Variants in TAF4B observed in about 807,000 individuals in gnomAD.
TAF4B encodes the protein transcription initiation factor TFIID subunit 4B.
TAF4B carries 38 observed loss-of-function variants against 86.4 expected under a neutral mutation model. The ratio of observed to expected loss-of-function variants is 0.44; its 90% CI spans 0.34 to 0.58. The LOEUF is 0.58. Among genes scored for constraint, TAF4B ranks in the 20% least tolerant of loss-of-function variants. TAF4B has a pLI of 0.02. For missense variants in TAF4B, 988 were observed against 1,027.6 expected, an observed-to-expected ratio of 0.96 and a Z score of 0.53; for synonymous variants, 388 against 391.2, an observed-to-expected ratio of 0.99 and a Z score of 0.10.
At chr18:26,329,434 C>T (rs1243911447) in intron 12 of TAF4B, among the ~76,000 whole-genome samples, 1 of 152,188 alleles carries the variant, frequency 6.6e-6, no homozygotes, top group Non-Finnish European at 1.5e-5. Flanking sequence ...TCATATGTAA[C>T]ACTATCATCT....
chr18:26,243,655 A>G (rs2055877257), intron 1 of TAF4B, among the ~76,000 whole-genome samples: 1 of 152,190 alleles, frequency 6.6e-6, no homozygotes, highest in Admixed American at 6.5e-5. Flanking sequence ...TTGGAGGAGA[A>G]AAGGCGCTCT....
chr18:26,337,298 C>G (rs1201086093), intron 13 of TAF4B, among the ~76,000 whole-genome samples: 1 of 152,086 alleles, frequency 6.6e-6, no homozygotes, highest in East Asian at 1.9e-4. Flanking sequence ...TTCTCCTGCC[C>G]CCTAGAGTTC....
At chr18:26,352,897 A>AT (rs967998457) in intron 13 of TAF4B, among the ~76,000 whole-genome samples, 33 of 152,176 alleles carry the variant, frequency 2.2e-4, no homozygotes, top group African/African-American at 6.3e-4. Context: ...TCTAATCTTT[A>AT]TTTTTTTAGT....
intron 1 of TAF4B, among the ~76,000 whole-genome samples, chr18:26,249,170 CAAAAAAAA>C (rs796850643): frequency 3.5e-5 from 4 of 112,908 alleles, no homozygotes; most frequent in Non-Finnish European, 7.6e-5. Flanking sequence ...GACTCCATAT[CAAAAAAAA>C]AAAAAAAAAG....
intron 9 of TAF4B, among the ~76,000 whole-genome samples, chr18:26,304,163 C>G (rs1406729224): frequency 3.4e-5 from 4 of 117,842 alleles, no homozygotes. Flanking sequence ...AATTATAGGT[C>G]GACTGTTTTT....
chr18:26,292,013 G>A (rs2056599768), intron 7 of TAF4B, among the ~76,000 whole-genome samples: 1 of 152,154 alleles, frequency 6.6e-6, no homozygotes, highest in Admixed American at 6.6e-5. Flanking sequence ...TTTAAATTGA[G>A]TATGGTGAAA....
intron 9 of TAF4B, among the ~76,000 whole-genome samples, chr18:26,309,251 T>A (rs1359507125): frequency 2.2e-3 from 8 of 3,610 alleles, no homozygotes; most frequent in East Asian, 0.029. Flanking sequence ...CAGTATTTTT[T>A]TTTTTTTTTT....
chr18:26,297,432 G>A (rs1258275822), intron 9 of TAF4B, among the ~76,000 whole-genome samples: 4 of 152,156 alleles, frequency 2.6e-5, no homozygotes, highest in Non-Finnish European at 5.9e-5. Flanking sequence ...CTGGTCTCAG[G>A]TTACAACAGG....
chr18:26,284,616 G>C (rs372856372), intron 6 of TAF4B, among the ~76,000 whole-genome samples: 3 of 152,314 alleles, frequency 2.0e-5, no homozygotes, highest in South Asian at 4.1e-4. Flanking sequence ...GGTGGCTCAC[G>C]CGTGTAATCC....
chr18:26,367,052 T>G (rs945962842), intron 14 of TAF4B, among the ~76,000 whole-genome samples: 3 of 152,214 alleles, frequency 2.0e-5, no homozygotes, highest in Admixed American at 6.5e-5. Flanking sequence ...AATGTGTGCT[T>G]TTAAGTACTC....
rs539334302 is a variant in TAF4B, at chr18:26,248,691, AT to A, written c.344-16464del. 5.8e-3 allele frequency among the ~76,000 whole-genome samples: 260 copies of A among 44,656 alleles called. 1 individual carries two copies. The highest frequency in any genetic ancestry group is 0.021 in the African/African-American group (229 of 11,030). 29.3% of individuals were successfully genotyped at this position (44,656 alleles called of 152,430 possible). ...AGGTGTGCCTCACTATGCCCAGCTA[AT>A]TTTTTTTTTTTTTTGGTACATTTGG... On this transcript the variant is annotated intron_variant, in intron 1 of 14. Transcript: ENST00000269142.
intron 9 of TAF4B, among the ~76,000 whole-genome samples, chr18:26,308,381 T>C (rs2056818095): frequency 6.6e-6 from 1 of 152,102 alleles, no homozygotes; most frequent in Non-Finnish European, 1.5e-5. Flanking sequence ...TTCAGGAAAA[T>C]TTATCTGTGT....
At position 26,390,181 on chromosome 18, in the gene TAF4B, T is replaced by G; in HGVS notation, c.*169T>G. 4 of 586,004 alleles carry G rather than the reference T, an allele frequency of 6.8e-6. No homozygotes were observed. The highest frequency in any genetic ancestry group is 1.1e-5 in the Non-Finnish European group (4 of 355,934). The allele number at this position is 586,004 out of a possible 1,614,324, so 36.3% of individuals were successfully genotyped here. ...CTTACCTATCCATCTCATGGGACTC[T>G]TACAGACTCAGATTCATCTTTGTCT... On this transcript the variant is annotated 3_prime_UTR_variant, in exon 15 of 15. Coordinates refer to ENST00000269142, the MANE Select transcript of TAF4B (RefSeq NM_005640.3).
chr18:26,264,430 TAATAAA>T (rs1464214433), intron 1 of TAF4B, among the ~76,000 whole-genome samples: 1 of 152,112 alleles, frequency 6.6e-6, no homozygotes, highest in Non-Finnish European at 1.5e-5. Flanking sequence ...GTCTCAAAAA[TAATAAA>T]AATAAAAGAG....
intron 13 of TAF4B, among the ~76,000 whole-genome samples, chr18:26,342,123 A>C (rs1385817724): frequency 6.6e-6 from 1 of 152,084 alleles, no homozygotes; most frequent in Admixed American, 6.6e-5. Context: ...CTTTATGTGT[A>C]CTTAACGTTA....
intron 1 of TAF4B, among the ~76,000 whole-genome samples, chr18:26,250,515 A>AT (rs2055991003): frequency 2.8e-5 from 3 of 107,626 alleles, no homozygotes; most frequent in Non-Finnish European, 5.7e-5. Flanking sequence ...AAAAAAAAAA[A>AT]TTTTTTTTTG....
In TAF4B at chr18:26,383,295, TAGGG is replaced by T. The variant is rs1408925125; in HGVS notation, c.2422-6546_2422-6543del. 3.3e-5 allele frequency among the ~76,000 whole-genome samples: 5 copies of T among 152,242 alleles called. No homozygotes were observed. The South Asian group carries it at 6.2e-4, about 19-fold the overall frequency. ...GTGTAAGCAATATTAACACTGGAAA[TAGGG>T]AGGTTTTTTAGAAGGCTGTTGAAGT... On this transcript the variant is annotated intron_variant, in intron 14 of 14. Coordinates refer to ENST00000269142, the MANE Select transcript of TAF4B (RefSeq NM_005640.3).
At chr18:26,277,076 T>C (rs1372706281) in intron 5 of TAF4B, among the ~76,000 whole-genome samples, 2 of 152,106 alleles carry the variant, frequency 1.3e-5, no homozygotes, top group East Asian at 1.9e-4. Context: ...TGCTTAACTT[T>C]TTTTATTGAA....
In TAF4B at chr18:26,285,330, C is replaced by T. The variant is rs191805135; in HGVS notation, c.973-552C>T. On this transcript the variant is annotated intron_variant, in intron 6 of 14. Coordinates refer to ENST00000269142, the MANE Select transcript of TAF4B (RefSeq NM_005640.3). ...TGCCTCCCGAGTAGCTGGGACTACA[C>T]GTGTGTGCCACCACGCCTGACTAAT... Among the ~76,000 whole-genome samples, 427 of 148,952 alleles carry T rather than the reference C, an allele frequency of 2.9e-3. 5 individuals are homozygous for T. The highest frequency in any genetic ancestry group is 9.1e-3 in the African/African-American group (371 of 40,774).
Sources: allele counts gnomAD v4.1 joint callset (sites outside exome capture counted in the v4.1 genomes callset), GRCh38; gene constraint gnomAD v4.1.1; transcripts MANE v1.5; gene names NCBI Gene and HGNC (gene_info 2026-07-23, HGNC 2026-07-21).